Variants in CLCN5 observed in about 807,000 individuals in gnomAD.
CLCN5 encodes Cl-/H+ antiporter 5.
In CLCN5, 17 loss-of-function variants were observed where a neutral mutation model predicts 54.0. The ratio of observed to expected loss-of-function variants is 0.31; its 90% CI spans 0.22 to 0.47. CLCN5 has a LOEUF of 0.47. CLCN5 is among the 20% of genes least tolerant of loss of function. The pLI is 1.00. For missense variants in CLCN5, 448 were observed against 646.7 expected (o/e 0.69, Z 3.33); for synonymous variants, 222 against 233.0 (o/e 0.95, Z 0.43).
At chrX:50,085,086 T>G (rs1222787160) in intron 9 of CLCN5, among the ~76,000 whole-genome samples, 1 of 112,062 alleles carries the variant, frequency 8.9e-6, no homozygotes, top group African/African-American at 3.2e-5. Context: ...CAGATAATCC[T>G]ATATGCTTAT....
At chrX:50,061,010 T>G (rs1219241770) in intron 4 of CLCN5, among the ~76,000 whole-genome samples, 4 of 81,790 alleles carry the variant, frequency 4.9e-5, no homozygotes, top group Non-Finnish European at 6.8e-5. Context: ...CATCTGTACA[T>G]CACCATCATC....
intron 7 of CLCN5, among the ~76,000 whole-genome samples, chrX:50,077,594 AAGAGAGAGAGAG>A (rs371525683): frequency 2.9e-4 from 20 of 68,790 alleles, no homozygotes; most frequent in South Asian, 1.6e-3. Context: ...GTGGGTGTGA[AAGAGAGAGAGAG>A]AGAGAGAGAG....
At chrX:50,003,657 A>C (rs984419476) in intron 3 of CLCN5, 1 of 303,708 alleles carries the variant, frequency 3.3e-6, no homozygotes, top group African/African-American at 2.7e-5. Flanking sequence ...AGAAAAACAC[A>C]CACCCATGTG....
intron 3 of CLCN5, among the ~76,000 whole-genome samples, chrX:50,019,566 C>T (rs1293669275): frequency 3.7e-5 from 2 of 54,573 alleles, no homozygotes; most frequent in Non-Finnish European, 6.4e-5. Context: ...CATGCTGGTG[C>T]GCTGCACCCA....
At chrX:49,980,105 T>G (rs1453388421) in intron 3 of CLCN5, among the ~76,000 whole-genome samples, 2 of 111,433 alleles carry the variant, frequency 1.8e-5, no homozygotes, top group Admixed American at 9.6e-5. Flanking sequence ...CCTATGATTA[T>G]TGGAATGCTG....
chrX:49,925,431 C>G (rs1925293103), intron 3 of CLCN5, 117 bp downstream of exon 3: 1 of 723,159 alleles, frequency 1.4e-6, no homozygotes, highest in Admixed American at 2.3e-5. Context: ...TTAATTTAAC[C>G]CTTTGTCTTT....
Position 50,093,497 on chromosome X carries a change from T to TA in CLCN5, c.*1278_*1279insA, listed in dbSNP as rs1934166444. On this transcript the variant is annotated 3_prime_UTR_variant, in exon 15 of 15. Transcript: ENST00000376091. Reference sequence around the variant, plus strand: ...ACACAGGGGTATGGACAAGGCCTGGTGACACCAAAGGTGCTTGTATCCAAT... The same window carrying TA: ...ACACAGGGGTATGGACAAGGCCTGGTAGACACCAAAGGTGCTTGTATCCAAT... 8.9e-6 allele frequency: 1 copy of TA among 111,770 alleles called. No homozygotes were observed. The highest frequency in any genetic ancestry group is 3.3e-5 in the African/African-American group (1 of 30,604). The allele number at this position is 111,770 out of a possible 1,213,427, so 9.2% of individuals were successfully genotyped here. A position where few individuals can be genotyped will look rare whatever the true frequency, so the allele number is the denominator to read the frequency against.
chrX:50,090,678 C>G lies in CLCN5; in HGVS notation c.2152C>G (p.Arg718Gly). ...TCCTTCTGTTTGAATAGAAAATGCTCGAAAGAAACAGGATGGGGTTGTTAG... is the reference window on the plus strand; with the variant it reads ...TCCTTCTGTTTGAATAGAAAATGCTGGAAAGAAACAGGATGGGGTTGTTAG... Reference protein sequence around the residue: ...RDLIISIENARKKQDGVVSTS... With the variant: ...RDLIISIENAGKKQDGVVSTS... Residue 718 changes from arginine to glycine, a missense_variant, in exon 14 of 15, where the codon CGA becomes GGA. Coordinates refer to ENST00000376091, the MANE Select transcript of CLCN5 (RefSeq NM_001127898.4). 8.3e-7 allele frequency: 1 copy of G among 1,206,718 alleles called. No individual in the cohort carries two copies. Among genetic ancestry groups the G allele is most frequent in the Non-Finnish European group, 1.1e-6 (1 of 892,561 alleles).
intron 3 of CLCN5, among the ~76,000 whole-genome samples, chrX:49,959,143 T>A (rs782343142): frequency 3.6e-5 from 4 of 111,996 alleles, no homozygotes; most frequent in Non-Finnish European, 5.6e-5. Context: ...TTCACTGTGG[T>A]CTCTTGTAGA....
chrX:49,980,157 G>A (rs1219889375), intron 3 of CLCN5, among the ~76,000 whole-genome samples: 1 of 110,927 alleles, frequency 9.0e-6, no homozygotes, highest in Non-Finnish European at 1.9e-5. Flanking sequence ...TTACACTACA[G>A]TGTTAAAATA....
chrX:50,040,972 T>A (rs1171570723), intron 3 of CLCN5, among the ~76,000 whole-genome samples: 1 of 111,011 alleles, frequency 9.0e-6, no homozygotes, highest in Non-Finnish European at 1.9e-5. Context: ...CTTTTGCAGC[T>A]TTCAGTTTCC....
At chrX:50,058,721 T>C (rs1932805820) in intron 4 of CLCN5, among the ~76,000 whole-genome samples, 1 of 112,122 alleles carries the variant, frequency 8.9e-6, no homozygotes, top group Non-Finnish European at 1.9e-5. Flanking sequence ...TGTTCTATCA[T>C]TCAAGTTGAG....
chrX:50,061,055 G>A (rs1377418973), intron 4 of CLCN5, among the ~76,000 whole-genome samples: 141 of 68,596 alleles, frequency 2.1e-3, no homozygotes, highest in African/African-American at 6.8e-3. Flanking sequence ...CAAAGATGGG[G>A]AAAAAACAGA....
chrX:50,081,166 T>G (rs1017191093), intron 8 of CLCN5, among the ~76,000 whole-genome samples: 1 of 111,588 alleles, frequency 9.0e-6, no homozygotes, highest in Non-Finnish European at 1.9e-5. Context: ...CACTGAGACT[T>G]AGGTTACCAG....
At chrX:49,928,034 T>C (rs1925439029) in intron 3 of CLCN5, among the ~76,000 whole-genome samples, 1 of 111,756 alleles carries the variant, frequency 8.9e-6, no homozygotes, top group African/African-American at 3.3e-5. Flanking sequence ...TGAAGAGAAG[T>C]GGGTTAATGG....
chrX:50,083,327 G>T (rs1234292884), intron 9 of CLCN5, among the ~76,000 whole-genome samples: 1 of 111,830 alleles, frequency 8.9e-6, no homozygotes, highest in African/African-American at 3.3e-5. Flanking sequence ...AAGCTAGCAG[G>T]AGAGAAGATG....
At chrX:50,026,391 G>A (rs1931389673) in intron 3 of CLCN5, among the ~76,000 whole-genome samples, 1 of 111,632 alleles carries the variant, frequency 9.0e-6, no homozygotes, top group Admixed American at 9.5e-5. Flanking sequence ...TCTAGTTGAT[G>A]GATGATGCTG....
intron 3 of CLCN5, among the ~76,000 whole-genome samples, chrX:49,943,784 C>G (rs1926526369): frequency 9.0e-6 from 1 of 111,603 alleles, no homozygotes; most frequent in East Asian, 2.8e-4. Flanking sequence ...GTACCAGTAC[C>G]ATACTGTTTT....
intron 3 of CLCN5, among the ~76,000 whole-genome samples, chrX:49,973,961 G>C (rs781991434): frequency 1.1e-4 from 12 of 111,954 alleles, no homozygotes; most frequent in Non-Finnish European, 1.5e-4. Flanking sequence ...CTATAGATTT[G>C]ACTATTTTGG....
Sources: allele counts gnomAD v4.1 joint callset (sites outside exome capture counted in the v4.1 genomes callset), GRCh38; gene constraint gnomAD v4.1.1; transcripts MANE v1.5; gene names NCBI Gene and HGNC (gene_info 2026-07-23, HGNC 2026-07-21).